PRELID2: variants seen among roughly 807,000 people sequenced by gnomAD.
PRELID2 encodes PRELI domain containing 2.
A neutral mutation model predicts 28.4 loss-of-function variants in PRELID2; 25 were observed. The observed-to-expected ratio is 0.88, with a 90% confidence interval of 0.64 to 1.23. PRELID2 has a LOEUF of 1.23. Ranked by LOEUF, PRELID2 falls within the 50% of genes most tolerant of loss-of-function variation. The pLI, the probability that PRELID2 is intolerant of heterozygous loss-of-function variation, is 0.00. For synonymous variants in PRELID2, 76 were observed against 71.6 expected, an observed-to-expected ratio of 1.06 and a Z score of -0.31; for missense variants, 201 against 214.4, an observed-to-expected ratio of 0.94 and a Z score of 0.39.
the PRELID2 span, among the ~76,000 whole-genome samples, chr5:145,438,706 T>A: frequency 6.6e-6 from 1 of 152,156 alleles, no homozygotes; most frequent in Non-Finnish European, 1.5e-5. Context: ...TATAATTTAC[T>A]CATTTCCACC....
At chr5:145,347,450 G>C in the PRELID2 span, among the ~76,000 whole-genome samples, 2 of 152,068 alleles carry the variant, frequency 1.3e-5, no homozygotes, top group East Asian at 3.9e-4. Flanking sequence ...GAAAATTGCT[G>C]TTTCCTCAAA....
intron 1 of PRELID2, among the ~76,000 whole-genome samples, chr5:145,568,964 C>T (rs1018915262): frequency 6.6e-6 from 1 of 152,230 alleles, no homozygotes; most frequent in Non-Finnish European, 1.5e-5. Flanking sequence ...TGGCAGTCTG[C>T]TCCTTCTGGT....
chr5:145,584,608 C>T (rs1424740697), intron 1 of PRELID2, among the ~76,000 whole-genome samples: 3 of 151,804 alleles, frequency 2.0e-5, no homozygotes, highest in Non-Finnish European at 2.9e-5. Flanking sequence ...AACAACCCCA[C>T]TAAAAAGTGG....
chr5:145,549,420 A>T (rs540282033), intron 1 of PRELID2, among the ~76,000 whole-genome samples: 1 of 152,336 alleles, frequency 6.6e-6, no homozygotes, highest in Non-Finnish European at 1.5e-5. Context: ...ATGCTCTACT[A>T]CAGTTCGGAG....
intron 6 of PRELID2, among the ~76,000 whole-genome samples, chr5:145,762,484 C>T (rs185516394): frequency 6.6e-6 from 1 of 152,216 alleles, no homozygotes. Flanking sequence ...CTATGGTGAG[C>T]CGTGATTGCG....
At chr5:145,288,525 A>G in the PRELID2 span, among the ~76,000 whole-genome samples, 1 of 152,232 alleles carries the variant, frequency 6.6e-6, no homozygotes, top group South Asian at 2.1e-4. Context: ...CCTTAGAATC[A>G]GTCATTTCTG....
At chr5:145,803,033 T>C (rs1369678445) in intron 4 of PRELID2, among the ~76,000 whole-genome samples, 1 of 152,164 alleles carries the variant, frequency 6.6e-6, no homozygotes, top group African/African-American at 2.4e-5. Context: ...ATGATGGGAA[T>C]CTAATTAAAG....
chr5:145,804,542 A>T (rs771847348), intron 4 of PRELID2, among the ~76,000 whole-genome samples: 2 of 152,200 alleles, frequency 1.3e-5, no homozygotes, highest in Non-Finnish European at 2.9e-5. Context: ...TAATAATAAC[A>T]GTTAACATAT....
chr5:145,288,458 C>A, the PRELID2 span, among the ~76,000 whole-genome samples: 1 of 151,940 alleles, frequency 6.6e-6, no homozygotes, highest in Non-Finnish European at 1.5e-5. Context: ...TGAGCAGTTT[C>A]TTAAATTTTG....
the PRELID2 span, among the ~76,000 whole-genome samples, chr5:145,342,902 T>TAAAAAAAAAAAAAA: frequency 7.8e-6 from 1 of 128,964 alleles, no homozygotes; most frequent in Non-Finnish European, 1.7e-5. Context: ...TCAAAAACAG[T>TAAAAAAAAAAAAAA]AAAAAAAAAA....
chr5:145,339,064 A>C, the PRELID2 span, among the ~76,000 whole-genome samples: 5 of 152,192 alleles, frequency 3.3e-5, no homozygotes, highest in African/African-American at 4.8e-5. Context: ...ATTATCCCCT[A>C]AAATGTGGAT....
chr5:145,646,697 G>A (rs1353434927), intron 1 of PRELID2, among the ~76,000 whole-genome samples: 3 of 152,132 alleles, frequency 2.0e-5, no homozygotes, highest in African/African-American at 7.2e-5. Context: ...CTTTGATGTT[G>A]CTGACCTTCA....
chr5:145,547,704 G>A (rs1752799873), intron 1 of PRELID2, among the ~76,000 whole-genome samples: 1 of 152,126 alleles, frequency 6.6e-6, no homozygotes, highest in Admixed American at 6.5e-5. Flanking sequence ...ATATGCTCAA[G>A]TCAATATCTA....
At chr5:145,745,714 T>C (rs1463866882) in intron 1 of PRELID2, among the ~76,000 whole-genome samples, 2 of 151,916 alleles carry the variant, frequency 1.3e-5, no homozygotes, top group Non-Finnish European at 2.9e-5. Context: ...ATAGAAACAA[T>C]TAGCTGGATA....
At chr5:145,401,827 GAGACAGTGCTATTATTCTCAC>G in the PRELID2 span, among the ~76,000 whole-genome samples, 3 of 152,114 alleles carry the variant, frequency 2.0e-5, no homozygotes, top group South Asian at 2.1e-4. Context: ...TTAGTAATGT[GAGACAGTGCTATTATTCTCAC>G]AGACAGAGGA....
intron 5 of PRELID2, among the ~76,000 whole-genome samples, chr5:145,775,473 G>C (rs932119499): frequency 6.6e-6 from 1 of 152,118 alleles, no homozygotes; most frequent in South Asian, 2.1e-4. Context: ...TGTAGTTCTT[G>C]AAATTGCCAT....
chr5:145,403,818 G>C, the PRELID2 span, among the ~76,000 whole-genome samples: 2 of 152,154 alleles, frequency 1.3e-5, no homozygotes, highest in South Asian at 2.1e-4. Context: ...AGGTCTATCA[G>C]ACTCAAAATC....
intron 1 of PRELID2, among the ~76,000 whole-genome samples, chr5:145,636,775 G>C (rs1754008487): frequency 6.6e-6 from 1 of 152,202 alleles, no homozygotes; most frequent in Admixed American, 6.5e-5. Context: ...GGGGGCATAG[G>C]TTCCAAACTT....
At chr5:145,589,411 A>G (rs1406279706) in intron 1 of PRELID2, among the ~76,000 whole-genome samples, 1 of 152,182 alleles carries the variant, frequency 6.6e-6, no homozygotes, top group Non-Finnish European at 1.5e-5. Context: ...TGTAATTTAC[A>G]TGAAAACTAT....
Sources: allele counts gnomAD v4.1 joint callset (sites outside exome capture counted in the v4.1 genomes callset), GRCh38; gene constraint gnomAD v4.1.1; transcripts MANE v1.5; gene names NCBI Gene and HGNC (gene_info 2026-07-23, HGNC 2026-07-21).